The following KCNJ3 variants were observed in gnomAD, a reference collection of about 807,000 sequenced individuals.
KCNJ3 encodes potassium inwardly rectifying channel subfamily J member 3.
A neutral mutation model predicts 39.2 loss-of-function variants in KCNJ3; 4 were observed. That is an observed-to-expected ratio of 0.10 (90% CI 0.05 to 0.23). KCNJ3 has a LOEUF of 0.23. KCNJ3 is among the 10% of genes least tolerant of loss of function. The pLI is 1.00. For missense variants in KCNJ3, 276 were observed against 634.9 expected (o/e 0.43, Z 6.08); for synonymous variants, 230 against 237.4 (o/e 0.97, Z 0.29).
chr2:154,796,110 C>T (rs1213806051), intron 2 of KCNJ3, among the ~76,000 whole-genome samples: 5 of 151,992 alleles, frequency 3.3e-5, no homozygotes, highest in African/African-American at 1.2e-4. Context: ...TGAAGAGTGT[C>T]TTAACGAAGG....
intron 2 of KCNJ3, among the ~76,000 whole-genome samples, chr2:154,753,869 T>C (rs903403460): frequency 6.6e-6 from 1 of 152,170 alleles, no homozygotes; most frequent in African/African-American, 2.4e-5. Context: ...TTGAAATAAT[T>C]CTACAGAAAA....
intron 2 of KCNJ3, among the ~76,000 whole-genome samples, chr2:154,779,475 T>TTA (rs60300736): frequency 6.3e-4 from 91 of 145,240 alleles, no homozygotes; most frequent in Middle Eastern, 3.6e-3. Flanking sequence ...GTTGTATATA[T>TTA]TATATATATA....
At chr2:154,748,132 G>T (rs1685779219) in intron 2 of KCNJ3, among the ~76,000 whole-genome samples, 1 of 151,956 alleles carries the variant, frequency 6.6e-6, no homozygotes, top group Non-Finnish European at 1.5e-5. Flanking sequence ...AACCATATTA[G>T]ATTATTTTTA....
chr2:154,771,388 T>A (rs1686239559), intron 2 of KCNJ3, among the ~76,000 whole-genome samples: 1 of 152,108 alleles, frequency 6.6e-6, no homozygotes, highest in Non-Finnish European at 1.5e-5. Flanking sequence ...ATATCAAATA[T>A]TTAAATATAT....
chr2:154,726,112 G>C (rs1685353402), intron 2 of KCNJ3, among the ~76,000 whole-genome samples: 1 of 152,070 alleles, frequency 6.6e-6, no homozygotes, highest in Non-Finnish European at 1.5e-5. Flanking sequence ...AACTAGATGA[G>C]ACTTAATTAA....
intron 2 of KCNJ3, among the ~76,000 whole-genome samples, chr2:154,721,510 A>C (rs1402797110): frequency 6.6e-6 from 1 of 152,160 alleles, no homozygotes; most frequent in Non-Finnish European, 1.5e-5. Flanking sequence ...CTGATCATTT[A>C]ATCATATCTG....
At chr2:154,788,670 T>C (rs1686576305) in intron 2 of KCNJ3, among the ~76,000 whole-genome samples, 5 of 152,102 alleles carry the variant, frequency 3.3e-5, no homozygotes. Flanking sequence ...GAATTTTTCC[T>C]CTTTTTAAAA....
At chr2:154,769,200 C>T (rs1376120245) in intron 2 of KCNJ3, among the ~76,000 whole-genome samples, 1 of 152,132 alleles carries the variant, frequency 6.6e-6, no homozygotes, top group Non-Finnish European at 1.5e-5. Flanking sequence ...CCTAATTGCC[C>T]TGGCCAGAAC....
chr2:154,702,743 G>T (rs1404302524), intron 1 of KCNJ3, among the ~76,000 whole-genome samples: 1 of 151,906 alleles, frequency 6.6e-6, no homozygotes, highest in Non-Finnish European at 1.5e-5. Context: ...GCTATAGTTT[G>T]AAGTTCCTCA....
rs3111009 is a variant in KCNJ3 at position 154,729,830 on chromosome 2, C to T, written c.919+20011C>T. Reference sequence around the variant, plus strand: ...ATTTTAAATCAGAATAACTTTATATCGGAAAGCTGGGTTTGATTGCAAATA... The same window carrying T: ...ATTTTAAATCAGAATAACTTTATATTGGAAAGCTGGGTTTGATTGCAAATA... On this transcript the variant is annotated intron_variant, in intron 2 of 2. Coordinates refer to ENST00000295101, the MANE Select transcript of KCNJ3 (RefSeq NM_002239.4). Among the ~76,000 whole-genome samples the T allele has an allele frequency of 3.0e-3, 459 of 152,174 alleles. 6 individuals are homozygous for T. The highest frequency in any genetic ancestry group is 0.029 in the East Asian group (148 of 5,166).
chr2:154,730,236 C>G (rs1329490705), intron 2 of KCNJ3, among the ~76,000 whole-genome samples: 1 of 151,990 alleles, frequency 6.6e-6, no homozygotes, highest in Non-Finnish European at 1.5e-5. Context: ...ACAACTTCCT[C>G]CCACCCCACT....
intron 2 of KCNJ3, among the ~76,000 whole-genome samples, chr2:154,766,513 AT>A (rs1276350452): frequency 6.6e-6 from 1 of 151,764 alleles, no homozygotes; most frequent in Admixed American, 6.6e-5. Context: ...TTTAATAAAA[AT>A]GATCCATAAT....
At position 154,760,735 on chromosome 2, in the gene KCNJ3, C is replaced by CTTT. The variant is rs887796000; in HGVS notation, c.919+50933_919+50935dup. On this transcript the variant is annotated intron_variant, in intron 2 of 2. Coordinates refer to ENST00000295101, the MANE Select transcript of KCNJ3 (RefSeq NM_002239.4). ...CCCTGGCTATTTTTTTCTTTTTTTTCTTTTTTTTTTTTTTTTTTTGAGATG... is the reference window on the plus strand; with the variant it reads ...CCCTGGCTATTTTTTTCTTTTTTTTCTTTTTTTTTTTTTTTTTTTTTTGAGATG... Among the ~76,000 whole-genome samples, 70 of 127,730 alleles carry CTTT rather than the reference C, an allele frequency of 5.5e-4. 4 individuals are homozygous for CTTT. Among genetic ancestry groups the CTTT allele is most frequent in the African/African-American group, 1.0e-3 (35 of 33,514 alleles). The allele number at this position is 127,730 out of a possible 152,430, so 83.8% of individuals were successfully genotyped here.
chr2:154,840,404 G>A (rs1687554635), intron 2 of KCNJ3, among the ~76,000 whole-genome samples: 1 of 152,154 alleles, frequency 6.6e-6, no homozygotes, highest in Non-Finnish European at 1.5e-5. Context: ...TTTGGCTTAG[G>A]ATTGACTTGG....
chr2:154,750,533 G>A (rs1038298718), intron 2 of KCNJ3, among the ~76,000 whole-genome samples: 8 of 152,044 alleles, frequency 5.3e-5, no homozygotes, highest in African/African-American at 1.9e-4. Context: ...TTATTTATGA[G>A]ATAGCTTCTG....
At position 154,742,617 on chromosome 2, in the gene KCNJ3, A is replaced by C. The variant is rs538995985; in HGVS notation, c.919+32798A>C. On this transcript the variant is annotated intron_variant, in intron 2 of 2. Transcript: ENST00000295101. ...TATTGTTTTGGTTTGGAGTTCACTG[A>C]TGATGACTGATACTGAGCATCGTTT... 1.3e-4 allele frequency among the ~76,000 whole-genome samples: 19 copies of C among 151,988 alleles called. No individual in the cohort carries two copies. In the South Asian group the frequency reaches 3.9e-3, roughly 32 times the overall value.
At chr2:154,837,983 T>G (rs911464122) in intron 2 of KCNJ3, among the ~76,000 whole-genome samples, 1 of 152,222 alleles carries the variant, frequency 6.6e-6, no homozygotes, top group Non-Finnish European at 1.5e-5. Flanking sequence ...GAAATTTTAA[T>G]AAATGAATAA....
At chr2:154,713,349 A>ATT (rs945938766) in intron 2 of KCNJ3, among the ~76,000 whole-genome samples, 4 of 152,076 alleles carry the variant, frequency 2.6e-5, no homozygotes, top group Admixed American at 6.6e-5. Context: ...TTTTGTATCA[A>ATT]TTATCTTCCC....
At chr2:154,727,273 A>G (rs1055618104) in intron 2 of KCNJ3, among the ~76,000 whole-genome samples, 2 of 152,094 alleles carry the variant, frequency 1.3e-5, no homozygotes, top group Admixed American at 1.3e-4. Flanking sequence ...GTGACCTGAA[A>G]ATTATATTAA....
Sources: gnomAD v4.1 joint callset for allele counts (sites outside exome capture counted in the v4.1 genomes callset) on GRCh38, gnomAD v4.1.1 for gene constraint, MANE v1.5 for transcripts, NCBI Gene and HGNC (gene_info 2026-07-23, HGNC 2026-07-21) for gene names.